The following BMPR2 variants were observed in gnomAD, a reference collection of about 807,000 sequenced individuals.
The protein encoded by BMPR2 is bone morphogenetic protein receptor type 2.
BMPR2 carries 29 observed loss-of-function variants against 100.8 expected under a neutral mutation model. The observed-to-expected ratio is 0.29, with a 90% CI of 0.21 to 0.39. The LOEUF is 0.39. Ranked by LOEUF, BMPR2 falls within the 10% of genes least tolerant of loss-of-function variation. The probability of loss-of-function intolerance (pLI) is 1.00; values close to 1 mark genes in which losing one functional copy is unlikely to be tolerated. For synonymous variants in BMPR2, 382 were observed against 442.3 expected (o/e 0.86, Z 1.71); for missense variants, 1,011 against 1,274.5 (o/e 0.79, Z 3.15).
intron 1 of BMPR2, among the ~76,000 whole-genome samples, chr2:202,394,677 C>T (rs1452909490): frequency 6.6e-6 from 1 of 151,966 alleles, no homozygotes; most frequent in Non-Finnish European, 1.5e-5. Flanking sequence ...TCATCGAGTA[C>T]CTCCTTGTGG....
rs780572150 is a variant in BMPR2, at chr2:202,457,559, T to TAG, written c.77-7249_77-7248insGA. 6.8e-3 allele frequency among the ~76,000 whole-genome samples: 602 copies of TAG among 89,044 alleles called. 11 individuals are homozygous for TAG. Among genetic ancestry groups the TAG allele is most frequent in the Admixed American group, 0.046 (414 of 8,954 alleles). The allele number at this position is 89,044 out of a possible 152,430, so 58.4% of individuals were successfully genotyped here. A position where few individuals can be genotyped will look rare whatever the true frequency, so the allele number is the denominator to read the frequency against. Reference sequence around the variant, plus strand: ...GCAATATTTTATATATATATATATATATAGAGAGAGAGAGAGAGAGAGAGA... The same window carrying TAG: ...GCAATATTTTATATATATATATATATAGATAGAGAGAGAGAGAGAGAGAGAGA... On this transcript the variant is annotated intron_variant, in intron 1 of 12. Coordinates refer to ENST00000374580, the MANE Select transcript of BMPR2 (RefSeq NM_001204.7).
At chr2:202,508,174 C>A (rs950214285) in intron 3 of BMPR2, among the ~76,000 whole-genome samples, 3 of 151,114 alleles carry the variant, frequency 2.0e-5, no homozygotes, top group Non-Finnish European at 3.0e-5. Flanking sequence ...CTTACTGCAA[C>A]CTTCGCCTCC....
chr2:202,500,788 C>T (rs1687370314), intron 3 of BMPR2, among the ~76,000 whole-genome samples: 1 of 152,204 alleles, frequency 6.6e-6, no homozygotes, highest in African/African-American at 2.4e-5. Context: ...ATACCCTGCT[C>T]TCTCAAATAC....
At chr2:202,543,170 C>CTT (rs1458105991) in intron 10 of BMPR2, among the ~76,000 whole-genome samples, 5 of 105,208 alleles carry the variant, frequency 4.8e-5, no homozygotes, top group Non-Finnish European at 9.6e-5. Flanking sequence ...GAGCGAGACT[C>CTT]TGTCTCAAAA....
chr2:202,506,460 GT>G (rs1687522474), intron 3 of BMPR2, among the ~76,000 whole-genome samples: 2 of 151,998 alleles, frequency 1.3e-5, no homozygotes, highest in South Asian at 2.1e-4. Flanking sequence ...CTGGCCTTTT[GT>G]TTTGTTTTGT....
intron 10 of BMPR2, among the ~76,000 whole-genome samples, chr2:202,550,947 CTTTTTTTTTTTTTT>C (rs34364158): frequency 1.5e-5 from 1 of 68,342 alleles, no homozygotes; most frequent in Admixed American, 2.0e-4. Context: ...AGCATATCAG[CTTTTTTTTTTTTTT>C]TTTTTTTTTT....
intron 9 of BMPR2, among the ~76,000 whole-genome samples, chr2:202,537,615 T>A (rs1434999900): frequency 6.6e-6 from 1 of 152,114 alleles, no homozygotes; most frequent in Non-Finnish European, 1.5e-5. Context: ...TACAATAGTG[T>A]GAATGTACTT....
chr2:202,451,439 C>G (rs1691981206), intron 1 of BMPR2, among the ~76,000 whole-genome samples: 1 of 152,212 alleles, frequency 6.6e-6, no homozygotes, highest in Non-Finnish European at 1.5e-5. Context: ...TGGCCCACGC[C>G]TGTAATCCCA....
chr2:202,461,879 C>G (rs1046756718), intron 1 of BMPR2, among the ~76,000 whole-genome samples: 3 of 151,826 alleles, frequency 2.0e-5, no homozygotes, highest in Admixed American at 6.6e-5. Flanking sequence ...GGTAAGAAAT[C>G]GTAATATACT....
intron 1 of BMPR2, among the ~76,000 whole-genome samples, chr2:202,389,266 G>A (rs1022130969): frequency 2.0e-5 from 3 of 151,744 alleles, no homozygotes; most frequent in African/African-American, 7.3e-5. Context: ...GGTGGCTCAG[G>A]GCTGTAATCC....
intron 3 of BMPR2, among the ~76,000 whole-genome samples, chr2:202,502,059 T>G (rs1365929503): frequency 2.6e-5 from 4 of 152,156 alleles, no homozygotes; most frequent in Non-Finnish European, 5.9e-5. Flanking sequence ...GCCCAGTTAG[T>G]GGAACTAGTG....
intron 1 of BMPR2, among the ~76,000 whole-genome samples, chr2:202,449,457 C>A (rs1252137082): frequency 6.6e-6 from 1 of 152,144 alleles, no homozygotes; most frequent in Non-Finnish European, 1.5e-5. Context: ...CCCACCATCC[C>A]CAAACCGATA....
chr2:202,450,823 A>T (rs1398537325), intron 1 of BMPR2, among the ~76,000 whole-genome samples: 2 of 152,106 alleles, frequency 1.3e-5, no homozygotes, highest in Non-Finnish European at 2.9e-5. Context: ...TTAGATTAAG[A>T]TACTCTGTTT....
At chr2:202,419,380 A>G (rs1691208867) in intron 1 of BMPR2, among the ~76,000 whole-genome samples, 1 of 152,082 alleles carries the variant, frequency 6.6e-6, no homozygotes, top group African/African-American at 2.4e-5. Context: ...TTTTTGAGAT[A>G]GAGTCTTGCT....
chr2:202,409,746 A>G (rs1288447728), intron 1 of BMPR2, among the ~76,000 whole-genome samples: 1 of 152,224 alleles, frequency 6.6e-6, no homozygotes, highest in Non-Finnish European at 1.5e-5. Context: ...GATACTTTGG[A>G]AAATTATAAG....
At chr2:202,489,468 A>G (rs992446354) in intron 3 of BMPR2, among the ~76,000 whole-genome samples, 2 of 152,242 alleles carry the variant, frequency 1.3e-5, no homozygotes, top group African/African-American at 2.4e-5. Flanking sequence ...TGGAATTCCT[A>G]TATAACCTAG....
intron 3 of BMPR2, among the ~76,000 whole-genome samples, chr2:202,478,227 G>A (rs1692588048): frequency 1.3e-5 from 2 of 152,126 alleles, no homozygotes; most frequent in South Asian, 2.1e-4. Flanking sequence ...GTGCTGTCTA[G>A]TATTCCAAAG....
At chr2:202,404,080 A>G (rs1366399811) in intron 1 of BMPR2, among the ~76,000 whole-genome samples, 2 of 151,668 alleles carry the variant, frequency 1.3e-5, no homozygotes, top group African/African-American at 4.8e-5. Context: ...CTTGAATATC[A>G]TTTTACCAAA....
intron 1 of BMPR2, among the ~76,000 whole-genome samples, chr2:202,377,974 C>T (rs1018827253): frequency 6.6e-6 from 1 of 152,194 alleles, no homozygotes; most frequent in Non-Finnish European, 1.5e-5. Flanking sequence ...AGAACATCAA[C>T]TAGAGAACAC....
Sources: gnomAD v4.1 joint callset for allele counts (sites outside exome capture counted in the v4.1 genomes callset) on GRCh38, gnomAD v4.1.1 for gene constraint, MANE v1.5 for transcripts, NCBI Gene and HGNC (gene_info 2026-07-23, HGNC 2026-07-21) for gene names.